XKR6: variants seen among roughly 807,000 people sequenced by gnomAD.
The protein encoded by XKR6 is XK related 6, also known as XK-related protein 6.
Under a neutral mutation model 56.7 loss-of-function variants are expected in XKR6, and 22 were observed. That is an observed-to-expected ratio of 0.39 (90% CI 0.28 to 0.55). The LOEUF (loss-of-function observed/expected upper bound fraction) is 0.55, where lower values mean the gene tolerates loss of function less well. Ranked by LOEUF, XKR6 falls within the 20% of genes least tolerant of loss-of-function variation. XKR6 has a pLI of 0.66. For missense variants in XKR6, 852 were observed against 889.0 expected, an observed-to-expected ratio of 0.96 and a Z score of 0.53; for synonymous variants, 524 against 387.8, an observed-to-expected ratio of 1.35 and a Z score of -4.13.
intron 1 of XKR6, among the ~76,000 whole-genome samples, chr8:11,135,337 C>T (rs1027059670): frequency 1.3e-5 from 2 of 152,100 alleles, no homozygotes; most frequent in African/African-American, 4.8e-5. Context: ...CCAAAAAGCC[C>T]TAAATTTTTT....
chr8:11,012,700 C>T (rs887481733), intron 1 of XKR6, among the ~76,000 whole-genome samples: 3 of 151,392 alleles, frequency 2.0e-5, no homozygotes, highest in Non-Finnish European at 4.4e-5. Flanking sequence ...TTTTTCTGGG[C>T]TAATCTTGTT....
chr8:11,017,417 C>T (rs563587418), intron 1 of XKR6, among the ~76,000 whole-genome samples: 1 of 152,264 alleles, frequency 6.6e-6, no homozygotes, highest in African/African-American at 2.4e-5. Flanking sequence ...CTGGAACTAA[C>T]CACAACGGCA....
intron 1 of XKR6, among the ~76,000 whole-genome samples, chr8:11,056,995 A>T (rs961630590): frequency 1.3e-5 from 2 of 152,270 alleles, no homozygotes; most frequent in Middle Eastern, 3.4e-3. Context: ...CCCACGTCTG[A>T]CGCCTTGTCC....
intron 1 of XKR6, among the ~76,000 whole-genome samples, chr8:11,052,292 T>A (rs555233909): frequency 2.0e-5 from 3 of 152,208 alleles, no homozygotes; most frequent in African/African-American, 7.2e-5. Context: ...GACTCCCGAA[T>A]CTAAAACAAC....
intron 1 of XKR6, among the ~76,000 whole-genome samples, chr8:10,940,013 G>A (rs781122717): frequency 1.2e-4 from 18 of 152,210 alleles, no homozygotes; most frequent in Non-Finnish European, 1.5e-4. Context: ...CACCTGGAGT[G>A]TTTGCGAGAA....
At chr8:10,937,986 G>A (rs1238780841) in intron 1 of XKR6, among the ~76,000 whole-genome samples, 1 of 151,308 alleles carries the variant, frequency 6.6e-6, no homozygotes, top group Non-Finnish European at 1.5e-5. Context: ...AATGGCGGGC[G>A]CCCCTCCCCC....
chr8:11,201,314 C>A lies in XKR6; in HGVS notation c.26G>T (p.Gly9Val), dbSNP rs919512294. 9 of 1,577,682 alleles carry A rather than the reference C, an allele frequency of 5.7e-6. No individual in the cohort carries two copies. Among genetic ancestry groups the A allele is most frequent in the Non-Finnish European group, 7.7e-6 (9 of 1,172,010 alleles). ...CAGCTGAGCGAAGCCCACCCCCACG[C>A]CACCGCCATCGGATTTCGCCGCCAT... MAAKSDGG[G>V]VGVGFAQLHN... is the part of the protein sequence containing the mutation. Residue 9 changes from glycine (G) to valine (V), a missense_variant, in exon 1 of 3, where the codon GGC becomes GTC. Physicochemically the swap from Gly to Val is moderately radical, Grantham distance 109 (BLOSUM62 -3). Coordinates refer to ENST00000416569, the MANE Select transcript of XKR6 (RefSeq NM_173683.4).
At chr8:10,941,555 C>T (rs1801387109) in intron 1 of XKR6, among the ~76,000 whole-genome samples, 1 of 152,212 alleles carries the variant, frequency 6.6e-6, no homozygotes. Context: ...AGTCTCTGAG[C>T]CTGATTTTGC....
chr8:10,967,159 A>G (rs942961815), intron 1 of XKR6, among the ~76,000 whole-genome samples: 3 of 152,192 alleles, frequency 2.0e-5, no homozygotes, highest in East Asian at 3.9e-4. Context: ...CCTCCTGCCC[A>G]TACTCACTGG....
At chr8:11,089,191 C>T (rs371983532) in intron 1 of XKR6, among the ~76,000 whole-genome samples, 1 of 152,054 alleles carries the variant, frequency 6.6e-6, no homozygotes, top group Admixed American at 6.5e-5. Context: ...GGCCCACCAG[C>T]GTGTTCAGAC....
chr8:11,133,375 G>C (rs1268894098), intron 1 of XKR6, among the ~76,000 whole-genome samples: 1 of 152,084 alleles, frequency 6.6e-6, no homozygotes, highest in Non-Finnish European at 1.5e-5. Flanking sequence ...CTCTGAGCTG[G>C]ACCTAACTCA....
chr8:10,939,167 T>A (rs937789599), intron 1 of XKR6, among the ~76,000 whole-genome samples: 1 of 152,050 alleles, frequency 6.6e-6, no homozygotes, highest in Admixed American at 6.5e-5. Flanking sequence ...CACAAGCAAG[T>A]ATGAGGGCTT....
At chr8:10,939,128 G>C (rs1801311999) in intron 1 of XKR6, among the ~76,000 whole-genome samples, 1 of 152,126 alleles carries the variant, frequency 6.6e-6, no homozygotes, top group African/African-American at 2.4e-5. Flanking sequence ...ACCCTGGATG[G>C]AAAGGCCCAA....
intron 1 of XKR6, among the ~76,000 whole-genome samples, chr8:11,006,914 C>T (rs1798382802): frequency 6.6e-6 from 1 of 151,578 alleles, no homozygotes; most frequent in Non-Finnish European, 1.5e-5. Context: ...TCCCTAGCCT[C>T]AGGGCGTGAA....
intron 1 of XKR6, among the ~76,000 whole-genome samples, chr8:10,959,231 C>T (rs188969558): frequency 1.5e-3 from 233 of 152,280 alleles, no homozygotes; most frequent in South Asian, 7.5e-3. Flanking sequence ...TGAGGCCTGG[C>T]CTGGAGACCA....
chr8:11,092,106 T>C (rs931273201), intron 1 of XKR6, among the ~76,000 whole-genome samples: 3 of 151,996 alleles, frequency 2.0e-5, no homozygotes, highest in African/African-American at 7.3e-5. Context: ...AAACAAAGAG[T>C]ATAAATAATC....
At chr8:11,160,253 T>C (rs937293003) in intron 1 of XKR6, among the ~76,000 whole-genome samples, 2 of 152,202 alleles carry the variant, frequency 1.3e-5, no homozygotes, top group African/African-American at 2.4e-5. Context: ...GGATTTTCTG[T>C]TGTTTGCTGC....
intron 1 of XKR6, among the ~76,000 whole-genome samples, chr8:11,096,629 C>T (rs569840576): frequency 6.6e-6 from 1 of 152,188 alleles, no homozygotes; most frequent in South Asian, 2.1e-4. Context: ...AGTCAAGCAG[C>T]CTTTTCCTGG....
intron 1 of XKR6, among the ~76,000 whole-genome samples, chr8:10,935,975 G>C (rs1801196489): frequency 6.7e-6 from 1 of 149,682 alleles, no homozygotes; most frequent in Non-Finnish European, 1.5e-5. Context: ...CTGTCTCGTT[G>C]ATCTGTCTAA....
Sources: allele counts gnomAD v4.1 joint callset (sites outside exome capture counted in the v4.1 genomes callset), GRCh38; gene constraint gnomAD v4.1.1; transcripts MANE v1.5; gene names NCBI Gene and HGNC (gene_info 2026-07-23, HGNC 2026-07-21).